The following USP13 variants were observed in gnomAD, a reference collection of about 807,000 sequenced individuals.
USP13 encodes ubiquitin carboxyl-terminal hydrolase 13.
Under a neutral mutation model 107.8 loss-of-function variants are expected in USP13, and 68 were observed. That is an observed-to-expected ratio of 0.63 (90% CI 0.52 to 0.77). The LOEUF (loss-of-function observed/expected upper bound fraction) is 0.77, where lower values mean the gene tolerates loss of function less well. Among genes scored for constraint, USP13 ranks in the 30% least tolerant of loss-of-function variants. The pLI is 0.00. For missense variants in USP13, 945 were observed against 1,093.3 expected (o/e 0.86, Z 1.91); for synonymous variants, 377 against 389.5 (o/e 0.97, Z 0.38).
intron 15 of USP13, among the ~76,000 whole-genome samples, chr3:179,755,911 CTG>C (rs1174246655): frequency 6.6e-6 from 1 of 152,126 alleles, no homozygotes; most frequent in Non-Finnish European, 1.5e-5. Context: ...AGATAGGCAT[CTG>C]TATTATGTTG....
intron 19 of USP13, among the ~76,000 whole-genome samples, chr3:179,770,011 C>T (rs1715297781): frequency 6.6e-6 from 1 of 152,204 alleles, no homozygotes; most frequent in Admixed American, 6.5e-5. Context: ...CCTGGTCACA[C>T]TGGTGACTTT....
intron 1 of USP13, among the ~76,000 whole-genome samples, chr3:179,677,774 G>T (rs1009957423): frequency 6.6e-6 from 1 of 151,728 alleles, no homozygotes; most frequent in African/African-American, 2.4e-5. Context: ...TAATTTCTTG[G>T]TTCTTCTACT....
intron 17 of USP13, among the ~76,000 whole-genome samples, chr3:179,763,728 G>C (rs966895519): frequency 6.6e-6 from 1 of 152,030 alleles, no homozygotes; most frequent in African/African-American, 2.4e-5. Flanking sequence ...CTGGATTACA[G>C]GTGTGCACCA....
At chr3:179,723,716 T>C (rs1045916498) in intron 8 of USP13, among the ~76,000 whole-genome samples, 3 of 152,236 alleles carry the variant, frequency 2.0e-5, no homozygotes, top group African/African-American at 7.2e-5. Flanking sequence ...AGCAATGAAC[T>C]ATTCATACAT....
chr3:179,657,823 G>A (rs1720322556), intron 1 of USP13, among the ~76,000 whole-genome samples: 1 of 148,182 alleles, frequency 6.7e-6, no homozygotes, highest in African/African-American at 2.5e-5. Flanking sequence ...GTAAGCCCAA[G>A]AGTCTGGTTG....
intron 1 of USP13, among the ~76,000 whole-genome samples, chr3:179,667,715 C>T (rs1028426893): frequency 6.6e-6 from 1 of 152,184 alleles, no homozygotes; most frequent in African/African-American, 2.4e-5. Context: ...GGAGCAATCT[C>T]GGCTCGCCGC....
Position 179,685,580 on chromosome 3 carries a change from T to C in USP13, c.294+3577T>C, listed in dbSNP as rs573623379. The stretch of plus-strand genomic sequence containing the variant: ...TCTGTTAGGTGGTACCTAATAATTC[T>C]TGTGAAGTCTGTTTTGTGACTTAAT... On this transcript the variant is annotated intron_variant, in intron 2 of 20. Coordinates refer to ENST00000263966, the MANE Select transcript of USP13 (RefSeq NM_003940.3). Among the ~76,000 whole-genome samples, 3 of 152,090 alleles carry C rather than the reference T, an allele frequency of 2.0e-5. No individual in the cohort carries two copies. In the South Asian group the frequency reaches 6.2e-4, roughly 32 times the overall value.
chr3:179,715,670 T>A (rs1248439724), intron 6 of USP13, among the ~76,000 whole-genome samples: 1 of 151,758 alleles, frequency 6.6e-6, no homozygotes, highest in Non-Finnish European at 1.5e-5. Flanking sequence ...GCCTTGTGTT[T>A]ATTTTTTTAG....
At chr3:179,780,110 C>T (rs1347619418) in intron 19 of USP13, among the ~76,000 whole-genome samples, 2 of 152,162 alleles carry the variant, frequency 1.3e-5, no homozygotes, top group Admixed American at 6.5e-5. Context: ...CTACAAAAAC[C>T]CCACAGTTCA....
Position 179,730,257 on chromosome 3 carries a change from A to G in USP13, c.1157A>G (p.Gln386Arg), listed in dbSNP as rs749784549. 1 of 1,600,090 alleles carries G rather than the reference A, an allele frequency of 6.2e-7. No individual in the cohort carries two copies. The highest frequency in any genetic ancestry group is 1.1e-5 in the South Asian group (1 of 88,220). The change falls in exon 9 of 21, where the codon CAG becomes CGG. Residue 386 changes from glutamine (Q) to arginine (R), a missense_variant. Coordinates refer to ENST00000263966, the MANE Select transcript of USP13 (RefSeq NM_003940.3). ...PLDPTQDFNTQMTKLGHGLLS... is the reference protein window; with the variant it reads ...PLDPTQDFNTRMTKLGHGLLS... ...GATCCAACACAAGATTTCAACACAC[A>G]GATGTAAGTGCCAGATTTGTATTTT...
intron 19 of USP13, 103 bp downstream of exon 19, chr3:179,765,951 A>G: frequency 7.7e-7 from 1 of 1,304,856 alleles, no homozygotes; most frequent in Non-Finnish European, 1.0e-6. Flanking sequence ...CATCATTCAA[A>G]AGTTAGCACA....
intron 8 of USP13, among the ~76,000 whole-genome samples, chr3:179,728,012 CAGGTGGG>C (rs1713611031): frequency 1.7e-5 from 1 of 57,292 alleles, no homozygotes; most frequent in African/African-American, 5.4e-5. Flanking sequence ...GGCGGCTGGC[CAGGTGGG>C]GGGCTGATCC....
At chr3:179,700,114 A>G (rs942844472) in intron 3 of USP13, among the ~76,000 whole-genome samples, 1 of 152,114 alleles carries the variant, frequency 6.6e-6, no homozygotes, top group African/African-American at 2.4e-5. Context: ...GTCCATATAC[A>G]TATTGTGACA....
At chr3:179,677,744 A>G (rs1711520048) in intron 1 of USP13, among the ~76,000 whole-genome samples, 1 of 152,026 alleles carries the variant, frequency 6.6e-6, no homozygotes, top group Non-Finnish European at 1.5e-5. Context: ...GTCCTTGAAC[A>G]TTTTTGTTCT....
intron 19 of USP13, among the ~76,000 whole-genome samples, chr3:179,771,343 T>G (rs1206237943): frequency 6.6e-6 from 1 of 152,210 alleles, no homozygotes; most frequent in Non-Finnish European, 1.5e-5. Context: ...CTGAGGCAGG[T>G]TGATTCAGGC....
At chr3:179,711,190 A>G (rs1712911490) in intron 6 of USP13, among the ~76,000 whole-genome samples, 1 of 152,158 alleles carries the variant, frequency 6.6e-6, no homozygotes, top group Non-Finnish European at 1.5e-5. Context: ...TTAAAACACA[A>G]ATACATTATA....
chr3:179,713,803 T>A (rs1242305223), intron 6 of USP13, among the ~76,000 whole-genome samples: 1 of 152,218 alleles, frequency 6.6e-6, no homozygotes, highest in Non-Finnish European at 1.5e-5. Context: ...TTAATGGTAG[T>A]GTGATCTGAT....
chr3:179,731,575 T>C (rs373527670), intron 10 of USP13, among the ~76,000 whole-genome samples: 10 of 152,278 alleles, frequency 6.6e-5, no homozygotes, highest in African/African-American at 2.2e-4. Context: ...TACTAATTAA[T>C]AGAACCACTG....
intron 13 of USP13, 27 bp from the exon 14 acceptor site, chr3:179,752,258 A>G (rs1274188987): frequency 6.3e-7 from 1 of 1,595,266 alleles, no homozygotes; most frequent in Admixed American, 1.7e-5. Context: ...GCCTTGTTTC[A>G]TTGATATATC....
Sources: gnomAD v4.1 joint callset for allele counts (sites outside exome capture counted in the v4.1 genomes callset) on GRCh38, gnomAD v4.1.1 for gene constraint, MANE v1.5 for transcripts, NCBI Gene and HGNC (gene_info 2026-07-23, HGNC 2026-07-21) for gene names.